The following NBPF20 variants were observed in gnomAD, a reference collection of about 807,000 sequenced individuals.
NBPF20 encodes NBPF family member NBPF20.
NBPF20 carries 90 observed loss-of-function variants against 68.1 expected under a neutral mutation model. The observed-to-expected ratio is 1.32, with a 90% CI of 1.11 to 1.58. NBPF20 has a LOEUF of 1.58. Among genes scored for constraint, NBPF20 ranks in the 40% most tolerant of loss-of-function variants. The pLI, the probability that NBPF20 is intolerant of heterozygous loss-of-function variation, is 0.00. For synonymous variants in NBPF20, 290 were observed against 228.1 expected, an observed-to-expected ratio of 1.27 and a Z score of -2.45; for missense variants, 816 against 601.2, an observed-to-expected ratio of 1.36 and a Z score of -3.74.
Position 145,292,051 on chromosome 1 carries a change from C to G in NBPF20, c.16698-282G>C, listed in dbSNP as rs1489660261. Among the ~76,000 whole-genome samples, 11 of 149,434 alleles carry G rather than the reference C, an allele frequency of 7.4e-5. 1 individual carries two copies. The highest frequency in any genetic ancestry group is 2.8e-4 in the African/African-American group (11 of 38,800). ...ATACTGGTAAGGGAGTCAAAGGACA[C>G]TCTGAGTTAGTGTCCTCATGACACA... On this transcript the variant is annotated intron_variant, in intron 137 of 137. Transcript: ENST00000369373.
intron 43 of NBPF20, among the ~76,000 whole-genome samples, chr1:145,366,620 C>A (rs1661703051): frequency 1.3e-5 from 1 of 78,630 alleles, no homozygotes; most frequent in Non-Finnish European, 2.5e-5. Context: ...AGAGAACGAG[C>A]TCAGTGAATT....
chr1:145,399,705 AG>A (rs1168689627), intron 6 of NBPF20, among the ~76,000 whole-genome samples: 2 of 129,656 alleles, frequency 1.5e-5, no homozygotes, highest in African/African-American at 6.0e-5. Context: ...TGAATCTGGG[AG>A]GCAGAGGTTG....
chr1:145,424,955 AC>A, the NBPF20 span, among the ~76,000 whole-genome samples: 1 of 152,090 alleles, frequency 6.6e-6, no homozygotes, highest in Non-Finnish European at 1.5e-5. Flanking sequence ...CAACTTTGCA[AC>A]CCAGGGGCGC....
At chr1:145,397,653 A>T (rs1391252695) in intron 7 of NBPF20, among the ~76,000 whole-genome samples, 5 of 152,234 alleles carry the variant, frequency 3.3e-5, no homozygotes, top group African/African-American at 1.2e-4. Flanking sequence ...AAGACCATTG[A>T]CGCTAGGAAG....
At chr1:145,291,795 A>C in intron 137 of NBPF20, 26 bp from the exon 143 acceptor site, 1 of 1,611,990 alleles carries the variant, frequency 6.2e-7, no homozygotes, top group Non-Finnish European at 8.5e-7. Flanking sequence ...AAACTAAAGA[A>C]GCAGCCAGGG....
intron 136 of NBPF20, among the ~76,000 whole-genome samples, chr1:145,292,708 G>A (rs1319051071): frequency 7.0e-6 from 1 of 142,932 alleles, no homozygotes; most frequent in Non-Finnish European, 1.5e-5. Flanking sequence ...CTAGTAGATC[G>A]TTATCCCAAT....
At chr1:145,314,201 G>GACACAC (rs1165363505) in intron 109 of NBPF20, among the ~76,000 whole-genome samples, 197 bp from the exon 115 acceptor site, 18 of 126,804 alleles carry the variant, frequency 1.4e-4, no homozygotes, top group South Asian at 2.5e-4. Flanking sequence ...AAGACAGATA[G>GACACAC]ACACACACAC....
upstream of NBPF20, among the ~76,000 whole-genome samples, chr1:145,408,362 GA>G (rs1662890046): frequency 1.3e-5 from 2 of 151,886 alleles, no homozygotes; most frequent in African/African-American, 4.8e-5. Context: ...TGTGTGGCTG[GA>G]AAACTTTTTT....
exon 138 of NBPF20, chr1:145,291,609 G>C (rs782684620): frequency 1.4e-5 from 23 of 1,611,950 alleles, no homozygotes; most frequent in Non-Finnish European, 1.6e-5. Context: ...TCCACGTAAA[G>C]GGCGAAGCTG....
rs1662732329 is a variant in NBPF20, at chr1:145,405,391, A to T, written c.-36+19T>A. 2 of 1,533,084 alleles carry T rather than the reference A, an allele frequency of 1.3e-6. No homozygotes were observed. The highest frequency in any genetic ancestry group is 1.9e-5 in the Admixed American group (1 of 53,850). The allele number at this position is 1,533,084 out of a possible 1,614,324, so 95.0% of individuals were successfully genotyped here. ...TAATCAGGACTGAGGGATGTCAGTA[A>T]CTGAAATTCTTACCTTACTGTTGTG... On this transcript the variant is annotated intron_variant, in intron 1 of 137. Coordinates refer to ENST00000369373, the Ensembl canonical transcript of NBPF20.
rs1661848715 is a variant in NBPF20 at position 145,377,929 on chromosome 1, G to A, written c.3464+114C>T. The A allele has an allele frequency of 7.6e-6, 3 of 397,096 alleles. 1 individual carries two copies. The highest frequency in any genetic ancestry group is 5.5e-5 in the East Asian group (1 of 18,280). 24.6% of individuals were successfully genotyped at this position (397,096 alleles called of 1,614,324 possible). A position where few individuals can be genotyped will look rare whatever the true frequency, so the allele number is the denominator to read the frequency against. ...ATGAAAACCAACAGCAATGTCAGGA[G>A]GAGTAATTCAACCTTCGTTGAAAAC... On this transcript the variant is annotated intron_variant, in intron 29 of 137. Transcript: ENST00000369373.
chr1:145,291,691 T>G (rs587679353), exon 138 of NBPF20: 2 of 1,611,914 alleles, frequency 1.2e-6, no homozygotes, highest in African/African-American at 1.3e-5. Flanking sequence ...CAAAGTACAT[T>G]GACGGAGTAG....
exon 2 of NBPF20, chr1:145,405,115 T>C (rs1442392333): frequency 6.2e-7 from 1 of 1,613,600 alleles, no homozygotes; most frequent in Non-Finnish European, 8.5e-7. Context: ...CTTCTGCTGG[T>C]TGGCCAGGAA....
chr1:145,400,429 G>C lies in NBPF20; in HGVS notation c.732C>G (p.Ser244=), dbSNP rs1482702632. ...CAGCATCCTCCCATTCAACATGAGA[G>C]GATGAGCCAATCAGAGTTGAGTCGA... Residue 244 remains serine (S), a synonymous_variant, in exon 6 of 138, where the codon TCC becomes TCG. Transcript: ENST00000369373. 2.9e-5 allele frequency: 46 copies of C among 1,613,090 alleles called. No homozygotes were observed. In the South Asian group the frequency reaches 4.0e-4, roughly 14 times the overall value.
At chr1:145,394,931 CT>C in intron 8 of NBPF20, 46 bp downstream of exon 13, 2 of 1,610,366 alleles carry the variant, frequency 1.2e-6, no homozygotes, top group Non-Finnish European at 1.7e-6. Flanking sequence ...TGGGGTCTAC[CT>C]GGGCCATGAA....
At chr1:145,395,093 A>C in exon 8 of NBPF20, 1 of 1,607,294 alleles carries the variant, frequency 6.2e-7, no homozygotes, top group Non-Finnish European at 8.5e-7. Context: ...AATAACCTTC[A>C]TCCCAGGACT....
chr1:145,292,621 T>G, intron 136 of NBPF20, 132 bp from the exon 142 acceptor site: 1 of 744,262 alleles, frequency 1.3e-6, no homozygotes. Flanking sequence ...GAGATATATT[T>G]CAGGAGGCCT....
Position 145,396,816 on chromosome 1 carries a change from C to A in NBPF20, c.828-1675G>T, listed in dbSNP as rs1212374496. ...TAAGTCTTAGGGTACATGTGCACAA[C>A]GTGCAGGTTAGTTACATATGTATAC... On this transcript the variant is annotated intron_variant, in intron 7 of 137. Coordinates refer to ENST00000369373, the Ensembl canonical transcript of NBPF20. 3.4e-5 allele frequency among the ~76,000 whole-genome samples: 5 copies of A among 146,240 alleles called. No individual in the cohort carries two copies. The East Asian group carries it at 6.1e-4, about 18-fold the overall frequency.
At chr1:145,412,567 AATT>A in the NBPF20 span, among the ~76,000 whole-genome samples, 4 of 151,946 alleles carry the variant, frequency 2.6e-5, no homozygotes, top group East Asian at 3.8e-4. Context: ...ATGCCCATAA[AATT>A]ATTATCTAAA....
Sources: gnomAD v4.1 joint callset for allele counts (sites outside exome capture counted in the v4.1 genomes callset) on GRCh38, gnomAD v4.1.1 for gene constraint, MANE v1.5 for transcripts, NCBI Gene and HGNC (gene_info 2026-07-23, HGNC 2026-07-21) for gene names.